The following INTS9 variants were observed in gnomAD, a reference collection of about 807,000 sequenced individuals.
INTS9 encodes protein related to CPSF subunits of 74 kDa.
INTS9 carries 55 observed loss-of-function variants against 79.7 expected under a neutral mutation model. The observed-to-expected ratio is 0.69, with a 90% CI of 0.56 to 0.86. The LOEUF is 0.86. Among genes scored for constraint, INTS9 ranks in the 40% least tolerant of loss-of-function variants. The probability of loss-of-function intolerance (pLI) is 0.00; values close to 1 mark genes in which losing one functional copy is unlikely to be tolerated. For synonymous variants in INTS9, 319 were observed against 325.2 expected (o/e 0.98, Z 0.20); for missense variants, 721 against 831.5 (o/e 0.87, Z 1.64).
Position 28,769,975 on chromosome 8 carries a change from T to G in INTS9, c.1714A>C (p.Ser572Arg), listed in dbSNP as rs1802433734. The part of the protein sequence containing the change: ...PTSGKKRKRV[S>R]DDVPDCKVLK... ...ACTTTGCAGTCTGGTACGTCATCGC[T>G]CACCCGCTTTCTCTTCTTCCCGCTC... Residue 572 changes from serine (S) to arginine (R), a missense_variant, in exon 16 of 17, where the codon AGC (serine) becomes CGC (arginine). Ser to Arg is a moderately radical substitution (Grantham distance 110). Around this residue, in one of 3 missense-constraint regions of INTS9, gnomAD observed 281 missense variants for 300.8 expected, o/e 0.93. Transcript: ENST00000521022. 1 of 1,614,082 alleles carries G rather than the reference T, an allele frequency of 6.2e-7. No individual in the cohort carries two copies. The highest frequency in any genetic ancestry group is 8.5e-7 in the Non-Finnish European group (1 of 1,180,040).
At chr8:28,769,225 TCTC>T (rs1802386697) in intron 16 of INTS9, among the ~76,000 whole-genome samples, 1 of 152,138 alleles carries the variant, frequency 6.6e-6, no homozygotes, top group African/African-American at 2.4e-5. Context: ...TTCATAGAAA[TCTC>T]CTTCCTTGTA....
chr8:28,832,724 G>A (rs1196458355), intron 6 of INTS9, among the ~76,000 whole-genome samples: 1 of 150,840 alleles, frequency 6.6e-6, no homozygotes, highest in East Asian at 1.9e-4. Flanking sequence ...AACACTTTGG[G>A]AGGCTGAGGT....
chr8:28,788,727 C>CT (rs1309671058), intron 10 of INTS9, among the ~76,000 whole-genome samples: 1 of 152,212 alleles, frequency 6.6e-6, no homozygotes, highest in African/African-American at 2.4e-5. Flanking sequence ...CCCTCACACT[C>CT]TTTTTAACAG....
chr8:28,792,688 T>A (rs1585361795), intron 10 of INTS9, among the ~76,000 whole-genome samples: 1 of 151,760 alleles, frequency 6.6e-6, no homozygotes, highest in African/African-American at 2.4e-5. Flanking sequence ...CCGAGGCGGG[T>A]GGATCACCTG....
intron 12 of INTS9, among the ~76,000 whole-genome samples, chr8:28,779,596 G>A (rs1033336541): frequency 1.3e-5 from 2 of 152,142 alleles, no homozygotes; most frequent in African/African-American, 4.8e-5. Flanking sequence ...GAAACCCATC[G>A]CAGAATGACC....
At chr8:28,841,472 C>G in intron 4 of INTS9, among the ~76,000 whole-genome samples, 1 of 152,194 alleles carries the variant, frequency 6.6e-6, no homozygotes, top group East Asian at 1.9e-4. Context: ...AACCAGCCCA[C>G]AGAGTCTAGA....
intron 6 of INTS9, among the ~76,000 whole-genome samples, chr8:28,823,500 T>C (rs62502782): frequency 0.21 from 31,250 of 152,124 alleles, 3,598 homozygotes; most frequent in East Asian, 0.46. Context: ...TCGGTGTCTG[T>C]GTTCAACTCT....
intron 1 of INTS9, among the ~76,000 whole-genome samples, chr8:28,876,766 C>T (rs1458585003): frequency 6.6e-6 from 1 of 151,794 alleles, no homozygotes; most frequent in East Asian, 1.9e-4. Context: ...AATTAAAATT[C>T]AACAAGGGGC....
chr8:28,867,839 G>A (rs1465349085), intron 1 of INTS9, among the ~76,000 whole-genome samples: 1 of 151,748 alleles, frequency 6.6e-6, no homozygotes, highest in African/African-American at 2.4e-5. Flanking sequence ...ATTAGGTATC[G>A]GGTACTCTGT....
chr8:28,880,448 A>ATTTT, intron 1 of INTS9, among the ~76,000 whole-genome samples: 1 of 151,662 alleles, frequency 6.6e-6, no homozygotes, highest in East Asian at 1.9e-4. Flanking sequence ...TTTGGTGGAG[A>ATTTT]CGGGGTTTCG....
At chr8:28,889,414 G>T (rs955513625) in intron 1 of INTS9, among the ~76,000 whole-genome samples, 1 of 152,168 alleles carries the variant, frequency 6.6e-6, no homozygotes, top group African/African-American at 2.4e-5. Context: ...CTATATAACA[G>T]GATATTTAAT....
At chr8:28,870,814 G>A (rs939949293) in intron 1 of INTS9, among the ~76,000 whole-genome samples, 4 of 152,114 alleles carry the variant, frequency 2.6e-5, no homozygotes, top group African/African-American at 9.7e-5. Flanking sequence ...AAGATGCCTG[G>A]TATAATACGT....
At chr8:28,793,447 A>G (rs770885173) in intron 10 of INTS9, among the ~76,000 whole-genome samples, 11 of 152,228 alleles carry the variant, frequency 7.2e-5, no homozygotes, top group Non-Finnish European at 1.0e-4. Context: ...TTGGCACTAT[A>G]CATTTTAGAC....
chr8:28,794,712 G>A (rs141429543), intron 9 of INTS9, among the ~76,000 whole-genome samples: 6 of 152,290 alleles, frequency 3.9e-5, no homozygotes, highest in East Asian at 1.9e-4. Context: ...TTTAGTTTGC[G>A]TGGAAAATGC....
At chr8:28,812,284 A>G in intron 8 of INTS9, 43 bp downstream of exon 8, 1 of 1,597,354 alleles carries the variant, frequency 6.3e-7, no homozygotes, top group Non-Finnish European at 8.6e-7. Flanking sequence ...ATTTGACTTA[A>G]GTAACCAAAA....
chr8:28,857,407 C>T (rs1192050861), intron 2 of INTS9, among the ~76,000 whole-genome samples: 3 of 152,080 alleles, frequency 2.0e-5, no homozygotes, highest in African/African-American at 7.2e-5. Context: ...ACATGGAAGT[C>T]ATGTGGGGCC....
At chr8:28,837,587 G>A (rs374291571) in intron 5 of INTS9, 50 bp downstream of exon 5, 20 of 1,587,780 alleles carry the variant, frequency 1.3e-5, no homozygotes, top group Admixed American at 1.7e-5. Context: ...CATCACTGAG[G>A]GAGGAGCTCC....
At position 28,867,383 on chromosome 8, in the gene INTS9, G is replaced by A. The variant is rs577426020; in HGVS notation, c.10-7820C>T. 3.3e-5 allele frequency among the ~76,000 whole-genome samples: 5 copies of A among 151,650 alleles called. No individual in the cohort carries two copies. In the East Asian group the frequency reaches 9.8e-4, roughly 30 times the overall value. ...GCAGTGAATGCAGATCGTGCCACTG[G>A]ACTCCAGCCTAGGTGACAGAGTAAG... On this transcript the variant is annotated intron_variant, in intron 1 of 16. Coordinates refer to ENST00000521022, the MANE Select transcript of INTS9 (RefSeq NM_018250.4).
chr8:28,809,978 T>C (rs186483130), intron 8 of INTS9: 3 of 152,354 alleles, frequency 2.0e-5, no homozygotes, highest in East Asian at 1.9e-4. Flanking sequence ...CTGTTAATTA[T>C]TGACTTAGCC....
Sources: gnomAD v4.1 joint callset for allele counts (sites outside exome capture counted in the v4.1 genomes callset) on GRCh38, gnomAD v4.1.1 for gene constraint, gnomAD v4.1.1 regional missense constraint, MANE v1.5 for transcripts, NCBI Gene and HGNC (gene_info 2026-07-23, HGNC 2026-07-21) for gene names.